The following TRIM58 variants were observed in gnomAD, a reference collection of about 807,000 sequenced individuals.
TRIM58 encodes E3 ubiquitin-protein ligase TRIM58.
TRIM58 carries 38 observed loss-of-function variants against 34.1 expected under a neutral mutation model. The observed-to-expected ratio is 1.12, with a 90% confidence interval of 0.86 to 1.46. TRIM58 has a LOEUF of 1.46. TRIM58 is among the 40% of genes most tolerant of loss of function. The probability of loss-of-function intolerance (pLI) is 0.00; values close to 1 mark genes in which losing one functional copy is unlikely to be tolerated. For missense variants in TRIM58, 677 were observed against 642.0 expected, an observed-to-expected ratio of 1.05 and a Z score of -0.59; for synonymous variants, 273 against 275.7, an observed-to-expected ratio of 0.99 and a Z score of 0.10.
At chr1:247,865,933 T>C (rs1328090661) in intron 3 of TRIM58, among the ~76,000 whole-genome samples, 2 of 152,242 alleles carry the variant, frequency 1.3e-5, no homozygotes, top group East Asian at 3.9e-4. Context: ...ATATAAATAA[T>C]CCTATTAACT....
chr1:247,872,476 T>C (rs12404622), intron 5 of TRIM58, among the ~76,000 whole-genome samples: 28,093 of 152,184 alleles, frequency 0.18, 2,739 homozygotes, highest in East Asian at 0.33. Context: ...TCTTGCGAAC[T>C]GGCAAAATGT....
rs542973832 is a variant in TRIM58, at chr1:247,879,769, T to C, written c.*3280T>C. On this transcript the variant is annotated 3_prime_UTR_variant, in exon 6 of 6. Coordinates refer to ENST00000366481, the MANE Select transcript of TRIM58 (RefSeq NM_015431.4). ...CTGCTTGACATTCCCTTTTCCCTGA[T>C]ATCCCCTTGACTCATTATTCCCTTT... 6.6e-6 allele frequency among the ~76,000 whole-genome samples: 1 copy of C among 151,492 alleles called. No homozygotes were observed. Among genetic ancestry groups the C allele is most frequent in the South Asian group, 2.1e-4 (1 of 4,772 alleles).
chr1:247,858,986 T>C (rs867602511), intron 1 of TRIM58, among the ~76,000 whole-genome samples: 65 of 152,130 alleles, frequency 4.3e-4, no homozygotes, highest in Non-Finnish European at 3.1e-4. Flanking sequence ...AGGCTGGTCT[T>C]GAACTCCTGA....
chr1:247,868,201 C>T, intron 5 of TRIM58, 138 bp downstream of exon 5: 1 of 660,166 alleles, frequency 1.5e-6, no homozygotes, highest in Admixed American at 2.8e-5. Flanking sequence ...CAGTCAGCTG[C>T]AGTGACCAAC....
Position 247,857,543 on chromosome 1 carries a change from CG to C in TRIM58, c.299del (p.Gly100AlafsTer4). 1 of 1,279,060 alleles carries C rather than the reference CG, an allele frequency of 7.8e-7. No individual in the cohort carries two copies. The highest frequency in any genetic ancestry group is 9.8e-7 in the Non-Finnish European group (1 of 1,017,424). The allele number at this position is 1,279,060 out of a possible 1,614,324, so 79.2% of individuals were successfully genotyped here. A position where few individuals can be genotyped will look rare whatever the true frequency, so the allele number is the denominator to read the frequency against. On this transcript the variant is annotated frameshift_variant, in exon 1 of 6. Transcript: ENST00000366481. LOFTEE classifies it high-confidence loss of function. Reference protein sequence around the residue: ...GPGARRCARHGEDLSRFCEED... With the variant: ...GPGARRCARHXEDLSRFCEED... Reference sequence around the variant, plus strand: ...CCGGGGCGCGGCGATGCGCGCGGCACGGCGAGGACCTGAGCCGCTTCTGCGA... The same window carrying C: ...CCGGGGCGCGGCGATGCGCGCGGCACGCGAGGACCTGAGCCGCTTCTGCGA...
At chr1:247,875,815 T>G (rs1659270795) in intron 5 of TRIM58, 85 bp from the exon 6 acceptor site, 4 of 1,169,306 alleles carry the variant, frequency 3.4e-6, no homozygotes, top group Non-Finnish European at 4.8e-6. Context: ...AGTGAGGAAC[T>G]GTGGGACTAT....
chr1:247,866,176 C>CT (rs1443485801), intron 3 of TRIM58, among the ~76,000 whole-genome samples: 41 of 150,530 alleles, frequency 2.7e-4, no homozygotes, highest in East Asian at 3.9e-4. Flanking sequence ...GGTTTCTTTT[C>CT]TTTTGTTTTT....
intron 1 of TRIM58, among the ~76,000 whole-genome samples, chr1:247,859,968 T>C (rs1316314779): frequency 6.6e-6 from 1 of 152,180 alleles, no homozygotes; most frequent in East Asian, 1.9e-4. Flanking sequence ...ATTCATGTTG[T>C]TTTGTAAAAT....
intron 5 of TRIM58, among the ~76,000 whole-genome samples, chr1:247,869,080 AG>A (rs1200218517): frequency 1.3e-5 from 2 of 152,246 alleles, no homozygotes; most frequent in South Asian, 4.2e-4. Flanking sequence ...TTATATTTTT[AG>A]TAGAGACGGG....
chr1:247,869,138 G>T (rs896536066), intron 5 of TRIM58, among the ~76,000 whole-genome samples: 4 of 152,204 alleles, frequency 2.6e-5, no homozygotes, highest in Non-Finnish European at 5.9e-5. Context: ...GACCTCAAAT[G>T]ATCTGCCTGC....
At chr1:247,869,312 T>TG (rs200066437) in intron 5 of TRIM58, among the ~76,000 whole-genome samples, 3,744 of 150,796 alleles carry the variant, frequency 0.025, 78 homozygotes, top group East Asian at 0.07. Flanking sequence ...TCTTCAGAGG[T>TG]GGGGGGGGGT....
rs759954809 is a variant in TRIM58 at position 247,875,897 on chromosome 1, C to G, written c.872-3C>G. Reference sequence around the variant, plus strand: ...CACCTGGTCCACCACATTCTTTCCGCAGTGGATGTAAAGCTGGATCCCGCC... The same window carrying G: ...CACCTGGTCCACCACATTCTTTCCGGAGTGGATGTAAAGCTGGATCCCGCC... On this transcript the variant is annotated splice_polypyrimidine_tract_variant and splice_region_variant and intron_variant, in intron 5 of 5. Coordinates refer to ENST00000366481, the MANE Select transcript of TRIM58 (RefSeq NM_015431.4). The G allele has an allele frequency of 5.0e-6, 8 of 1,604,498 alleles. No homozygotes were observed. In the African/African-American group the frequency reaches 5.4e-5, roughly 11 times the overall value.
At chr1:247,874,390 C>T (rs1374760339) in intron 5 of TRIM58, among the ~76,000 whole-genome samples, 2 of 152,172 alleles carry the variant, frequency 1.3e-5, no homozygotes, top group South Asian at 2.1e-4. Flanking sequence ...AGTGGGATGG[C>T]ACTAAGTCAT....
At chr1:247,867,751 A>T in intron 3 of TRIM58, 94 bp from the exon 4 acceptor site, 2 of 1,349,586 alleles carry the variant, frequency 1.5e-6, no homozygotes, top group African/African-American at 1.4e-5. Context: ...AATGTTTTGC[A>T]GTAGTTTCTA....
In TRIM58 at chr1:247,857,326, TCAGCGTGGACTGCGGCCA is replaced by T. The variant is rs1663654364; in HGVS notation, c.85_102del (p.Val29_Ser34del). ...TGCCTGGATTTCCTGCAGGAGCCGG[TCAGCGTGGACTGCGGCCA>T]CAGCTTCTGCCTCAGGTGCATCTCC... On this transcript the variant is annotated inframe_deletion, in exon 1 of 6. Transcript: ENST00000366481. The T allele has an allele frequency of 6.8e-7, 1 of 1,467,460 alleles. No individual in the cohort carries two copies. The highest frequency in any genetic ancestry group is 9.0e-7 in the Non-Finnish European group (1 of 1,105,358). The allele number at this position is 1,467,460 out of a possible 1,614,324, so 90.9% of individuals were successfully genotyped here.
intron 1 of TRIM58, among the ~76,000 whole-genome samples, chr1:247,859,035 T>G (rs1325098138): frequency 3.9e-5 from 6 of 152,052 alleles, no homozygotes; most frequent in South Asian, 2.1e-4. Context: ...AAAGTGCTGG[T>G]GTTACAGGCA....
In TRIM58 at chr1:247,864,739, TG is replaced by T; in HGVS notation, c.553del (p.Glu185SerfsTer17). On this transcript the variant is annotated frameshift_variant, in exon 3 of 6. Transcript: ENST00000366481. LOFTEE classifies it high-confidence loss of function. Reference sequence around the variant, plus strand: ...GAAATGCAGAGGCAGCGCTTCAGATTGGAGTTTGAGAAGCATCGTGGCTTTC... The same window carrying T: ...GAAATGCAGAGGCAGCGCTTCAGATTGAGTTTGAGAAGCATCGTGGCTTTC... ...KVEMQRQRFR[L>X]EFEKHRGFLA... is the part of the protein sequence containing the mutation. The T allele has an allele frequency of 6.2e-7, 1 of 1,614,112 alleles. No homozygotes were observed. The highest frequency in any genetic ancestry group is 8.5e-7 in the Non-Finnish European group (1 of 1,180,032).
intron 5 of TRIM58, among the ~76,000 whole-genome samples, chr1:247,872,351 G>A (rs188188732): frequency 5.6e-4 from 86 of 152,248 alleles, no homozygotes; most frequent in Admixed American, 1.0e-3. Flanking sequence ...GGAAGGTGCC[G>A]CAAGATGGAC....
At position 247,867,753 on chromosome 1, in the gene TRIM58, T is replaced by C. The variant is rs1022595771; in HGVS notation, c.748-92T>C. ...ATTTTATCTCAATAATGTTTTGCAG[T>C]AGTTTCTAAGGAAATTTTTATGGGG... On this transcript the variant is annotated intron_variant, in intron 3 of 5. Transcript: ENST00000366481. 2.9e-6 allele frequency: 4 copies of C among 1,390,308 alleles called. No homozygotes were observed. In the African/African-American group the frequency reaches 5.7e-5, roughly 20 times the overall value. The allele number at this position is 1,390,308 out of a possible 1,614,324, so 86.1% of individuals were successfully genotyped here.
Sources: gnomAD v4.1 joint callset for allele counts (sites outside exome capture counted in the v4.1 genomes callset) on GRCh38, gnomAD v4.1.1 for gene constraint, MANE v1.5 for transcripts, NCBI Gene and HGNC (gene_info 2026-07-23, HGNC 2026-07-21) for gene names.